HSD17B3: variants seen among roughly 807,000 people sequenced by gnomAD.
HSD17B3 encodes 17-beta-hydroxysteroid dehydrogenase type 3.
In HSD17B3, 29 loss-of-function variants were observed where a neutral mutation model predicts 41.1. The ratio of observed to expected loss-of-function variants is 0.71; its 90% CI spans 0.53 to 0.96. HSD17B3 has a LOEUF of 0.96. Ranked by LOEUF, HSD17B3 falls within the 40% of genes least tolerant of loss-of-function variation. The pLI is 0.00. For synonymous variants in HSD17B3, 126 were observed against 145.6 expected (o/e 0.87, Z 0.97); for missense variants, 323 against 374.6 (o/e 0.86, Z 1.14).
At position 96,252,860 on chromosome 9, in the gene HSD17B3, C is replaced by T. The variant is rs150424854; in HGVS notation, c.328G>A (p.Asp110Asn). The change falls in exon 4 of 11, where the codon GAT (aspartate) becomes AAT (asparagine). Residue 110 changes from aspartate to asparagine, a missense_variant. Asp to Asn is a conservative substitution (Grantham distance 23). Transcript: ENST00000375263. ...VKIIQADFTKDDIYEHIKEKL... is the reference protein window; with the variant it reads ...VKIIQADFTKNDIYEHIKEKL... ...TCTTTAATATGCTCGTAGATGTCATCTTTTGTAAAATCTGCTTGTATAATC... is the reference window on the plus strand; with the variant it reads ...TCTTTAATATGCTCGTAGATGTCATTTTTTGTAAAATCTGCTTGTATAATC... 6.2e-7 allele frequency: 1 copy of T among 1,613,660 alleles called. No individual in the cohort carries two copies. The highest frequency in any genetic ancestry group is 8.5e-7 in the Non-Finnish European group (1 of 1,179,746).
At chr9:96,298,740 T>A (rs968254058) in intron 1 of HSD17B3, among the ~76,000 whole-genome samples, 55 of 152,144 alleles carry the variant, frequency 3.6e-4, no homozygotes, top group Non-Finnish European at 3.2e-4. Context: ...GTGGAAAACA[T>A]GTTCCAAAAT....
At chr9:96,279,407 A>G (rs1826599195) in intron 2 of HSD17B3, among the ~76,000 whole-genome samples, 1 of 152,154 alleles carries the variant, frequency 6.6e-6, no homozygotes, top group Admixed American at 6.5e-5. Context: ...CTGATTGGTA[A>G]TTGGTTGAAA....
At chr9:96,271,788 T>C (rs548922715) in intron 2 of HSD17B3, among the ~76,000 whole-genome samples, 82 of 152,184 alleles carry the variant, frequency 5.4e-4, no homozygotes, top group Non-Finnish European at 7.9e-4. Context: ...TCAACATCTA[T>C]AGCAACATGT....
Position 96,254,951 on chromosome 9 carries a change from T to C in HSD17B3, c.202-8A>G. 7 of 1,612,616 alleles carry C rather than the reference T, an allele frequency of 4.3e-6. No individual in the cohort carries two copies. The highest frequency in any genetic ancestry group is 5.9e-6 in the Non-Finnish European group (7 of 1,179,340). On this transcript the variant is annotated splice_polypyrimidine_tract_variant and splice_region_variant and intron_variant, in intron 2 of 10. Coordinates refer to ENST00000375263, the MANE Select transcript of HSD17B3 (RefSeq NM_000197.2). Reference sequence around the variant, plus strand: ...GAGTCCACGTTTTGCTAGCTGAGAGTGGGAGTGAAAAACCAAGAGACAAGG... The same window carrying C: ...GAGTCCACGTTTTGCTAGCTGAGAGCGGGAGTGAAAAACCAAGAGACAAGG...
In HSD17B3 at chr9:96,249,544, G is replaced by C. The variant is rs943483227; in HGVS notation, c.489+207C>G. The C allele has an allele frequency of 1.5e-4, 91 of 605,872 alleles. 1 individual carries two copies. Among genetic ancestry groups the C allele is most frequent in the Admixed American group, 5.4e-5 (2 of 37,160 alleles). The allele number at this position is 605,872 out of a possible 1,614,324, so 37.5% of individuals were successfully genotyped here. ...AAACTGAAAGCAGAAATAGAATTCA[G>C]ATACAAGGGAGAGTTGAATCCATTA... On this transcript the variant is annotated intron_variant, in intron 6 of 10. Transcript: ENST00000375263.
At chr9:96,293,923 T>C (rs899357460) in intron 2 of HSD17B3, among the ~76,000 whole-genome samples, 1 of 152,140 alleles carries the variant, frequency 6.6e-6, no homozygotes, top group African/African-American at 2.4e-5. Context: ...CCAGTGAGCC[T>C]TGGAGGGAGG....
chr9:96,301,853 C>A, intron 1 of HSD17B3, 98 bp downstream of exon 1: 1 of 1,362,912 alleles, frequency 7.3e-7, no homozygotes, highest in South Asian at 1.2e-5. Context: ...TGCACTCCAG[C>A]CTGGGTGACA....
At chr9:96,242,012 A>AG (rs1479990563) in intron 9 of HSD17B3, among the ~76,000 whole-genome samples, 1 of 133,918 alleles carries the variant, frequency 7.5e-6, no homozygotes, top group Admixed American at 7.2e-5. Context: ...AAAGAGAAAG[A>AG]AAAGAAAGAA....
In HSD17B3 at chr9:96,285,329, C is replaced by T. The variant is rs552138429; in HGVS notation, c.201+13087G>A. On this transcript the variant is annotated intron_variant, in intron 2 of 10. Transcript: ENST00000375263. ...CACGTGTATCAAATTCTAGTCTCAT[C>T]AGCTGTTTTTAAGTTTGTTTCTGCA... 2.2e-3 allele frequency among the ~76,000 whole-genome samples: 336 copies of T among 152,198 alleles called. 1 individual carries two copies. The highest frequency in any genetic ancestry group is 4.4e-3 in the Non-Finnish European group (297 of 67,996).
chr9:96,236,750 G>A (rs993039649), intron 10 of HSD17B3, among the ~76,000 whole-genome samples: 5 of 152,042 alleles, frequency 3.3e-5, no homozygotes, highest in Non-Finnish European at 5.9e-5. Context: ...CTGTAGGTAC[G>A]GGCCTTGAAA....
intron 7 of HSD17B3, 140 bp downstream of exon 7, chr9:96,246,416 A>T: frequency 1.3e-6 from 1 of 786,984 alleles, no homozygotes; most frequent in Non-Finnish European, 2.2e-6. Flanking sequence ...TTTTTCCCAT[A>T]ATCACCGTGT....
At chr9:96,248,738 C>T (rs1017945025) in intron 6 of HSD17B3, among the ~76,000 whole-genome samples, 6 of 152,180 alleles carry the variant, frequency 3.9e-5, no homozygotes, top group African/African-American at 1.4e-4. Flanking sequence ...CTCATCTACT[C>T]ACCAAGTCAC....
At chr9:96,297,347 T>G (rs1173398106) in intron 2 of HSD17B3, among the ~76,000 whole-genome samples, 3 of 144,620 alleles carry the variant, frequency 2.1e-5, no homozygotes, top group African/African-American at 7.6e-5. Context: ...ATTTCTTTTT[T>G]TTTTTTTTTT....
chr9:96,294,458 C>T (rs192572089), intron 2 of HSD17B3, among the ~76,000 whole-genome samples: 1 of 152,254 alleles, frequency 6.6e-6, no homozygotes, highest in Admixed American at 6.5e-5. Context: ...CTTTGTGAAA[C>T]AATAAAGAAA....
chr9:96,289,879 C>T (rs928448437), intron 2 of HSD17B3, among the ~76,000 whole-genome samples: 2 of 152,102 alleles, frequency 1.3e-5, no homozygotes, highest in Non-Finnish European at 2.9e-5. Context: ...AATTCACTGC[C>T]GGGGCCCCAT....
chr9:96,282,023 C>G (rs770751729), intron 2 of HSD17B3, among the ~76,000 whole-genome samples: 4 of 152,180 alleles, frequency 2.6e-5, no homozygotes, highest in Non-Finnish European at 5.9e-5. Flanking sequence ...GTGTGTCTTT[C>G]TATATTGTTC....
intron 2 of HSD17B3, among the ~76,000 whole-genome samples, chr9:96,277,577 C>T (rs1826513610): frequency 2.0e-5 from 3 of 152,010 alleles, no homozygotes; most frequent in Admixed American, 2.0e-4. Flanking sequence ...TAAGTATTGG[C>T]GAGGATGCAG....
chr9:96,280,608 C>T (rs1444971729), intron 2 of HSD17B3, among the ~76,000 whole-genome samples: 1 of 152,192 alleles, frequency 6.6e-6, no homozygotes, highest in Admixed American at 6.5e-5. Context: ...CAACACTGAG[C>T]TGCTGTTACC....
chr9:96,244,815 A>G (rs1024253632), intron 8 of HSD17B3, among the ~76,000 whole-genome samples: 2 of 152,154 alleles, frequency 1.3e-5, no homozygotes, highest in African/African-American at 2.4e-5. Context: ...AAAGCTGGAG[A>G]GTGGGGCAGA....
Sources: gnomAD v4.1 joint callset for allele counts (sites outside exome capture counted in the v4.1 genomes callset) on GRCh38, gnomAD v4.1.1 for gene constraint, MANE v1.5 for transcripts, NCBI Gene and HGNC (gene_info 2026-07-23, HGNC 2026-07-21) for gene names.